The following PARD3B variants were observed in gnomAD, a reference collection of about 807,000 sequenced individuals.
PARD3B encodes the protein partitioning defective 3 homolog B.
Under a neutral mutation model 130.2 loss-of-function variants are expected in PARD3B, and 103 were observed. The ratio of observed to expected loss-of-function variants is 0.79; its 90% confidence interval spans 0.67 to 0.93. The LOEUF (loss-of-function observed/expected upper bound fraction) is 0.93, where lower values mean the gene tolerates loss of function less well. PARD3B is among the 40% of genes least tolerant of loss of function. The pLI, the probability that PARD3B is intolerant of heterozygous loss-of-function variation, is 0.00. For synonymous variants in PARD3B, 583 were observed against 553.2 expected, an observed-to-expected ratio of 1.05 and a Z score of -0.76; for missense variants, 1,609 against 1,499.2, an observed-to-expected ratio of 1.07 and a Z score of -1.21.
chr2:204,903,969 C>G (rs1022764970), intron 2 of PARD3B, among the ~76,000 whole-genome samples: 1 of 152,110 alleles, frequency 6.6e-6, no homozygotes, highest in Non-Finnish European at 1.5e-5. Flanking sequence ...GCTGAGATAT[C>G]CCGTTTGCTA....
At chr2:204,698,367 G>C (rs899856965) in intron 2 of PARD3B, among the ~76,000 whole-genome samples, 3 of 152,080 alleles carry the variant, frequency 2.0e-5, no homozygotes, top group Admixed American at 6.6e-5. Context: ...TCTTTCAGAA[G>C]TTTTTGAATT....
chr2:205,487,655 G>T (rs1474983534), intron 20 of PARD3B, among the ~76,000 whole-genome samples: 2 of 152,168 alleles, frequency 1.3e-5, no homozygotes, highest in African/African-American at 4.8e-5. Flanking sequence ...CTTCTATGTT[G>T]TGTCCTCTGA....
chr2:204,925,344 G>T (rs1008204292), intron 2 of PARD3B, among the ~76,000 whole-genome samples: 1 of 152,102 alleles, frequency 6.6e-6, no homozygotes, highest in African/African-American at 2.4e-5. Context: ...TGAATGCATT[G>T]TTTAACTTTG....
Position 205,185,817 on chromosome 2 carries a change from A to G in PARD3B, c.1978A>G (p.Thr660Ala), listed in dbSNP as rs997975563. Residue 660 changes from threonine (T) to alanine (A), a missense_variant, in exon 14 of 23, where the codon ACA becomes GCA. Physicochemically the swap from Thr to Ala is moderately conservative, Grantham distance 58 (BLOSUM62 0). Transcript: ENST00000406610. ...WAESEVPPSP[T>A]PHSALGLGLE... Reference sequence around the variant, plus strand: ...CGAGAGTGAAGTTCCACCTTCTCCAACACCACATTCTGCTCTGGGATTGGG... The same window carrying G: ...CGAGAGTGAAGTTCCACCTTCTCCAGCACCACATTCTGCTCTGGGATTGGG... 19 of 1,614,038 alleles carry G rather than the reference A, an allele frequency of 1.2e-5. No individual in the cohort carries two copies. Among genetic ancestry groups the G allele is most frequent in the South Asian group, 3.3e-5 (3 of 91,082 alleles).
chr2:205,072,666 CTT>C (rs986812443), intron 4 of PARD3B, among the ~76,000 whole-genome samples: 3 of 152,074 alleles, frequency 2.0e-5, no homozygotes, highest in African/African-American at 4.8e-5. Context: ...CTTGGTAAAA[CTT>C]ATTTTAAATA....
intron 4 of PARD3B, among the ~76,000 whole-genome samples, chr2:205,099,861 C>T (rs1453309417): frequency 6.6e-6 from 1 of 152,002 alleles, no homozygotes; most frequent in African/African-American, 2.4e-5. Flanking sequence ...TTGATAGCTT[C>T]GGCAAGGGAA....
intron 2 of PARD3B, among the ~76,000 whole-genome samples, chr2:204,851,800 C>T (rs2044718032): frequency 6.6e-6 from 1 of 151,232 alleles, no homozygotes; most frequent in South Asian, 2.1e-4. Context: ...TCAAGTGATT[C>T]TCCTGCCTCA....
In PARD3B at chr2:205,165,094, G is replaced by A. The variant is rs537616650; in HGVS notation, c.1620+6187G>A. Among the ~76,000 whole-genome samples the A allele has an allele frequency of 5.3e-5, 8 of 151,962 alleles. No homozygotes were observed. The South Asian group carries it at 1.7e-3, about 32-fold the overall frequency. On this transcript the variant is annotated intron_variant, in intron 11 of 22. Transcript: ENST00000406610. ...GGCTTCCGAAATTCTAACCTAGTTA[G>A]GCATTCATGCAAATTATTCTTAATT... is the stretch of plus-strand genomic sequence containing the variant.
intron 1 of PARD3B, among the ~76,000 whole-genome samples, chr2:204,576,038 C>A (rs1442653314): frequency 6.6e-6 from 1 of 152,174 alleles, no homozygotes; most frequent in Non-Finnish European, 1.5e-5. Context: ...CCTCTTATCT[C>A]TTCCTTCTGG....
At chr2:205,162,792 A>G (rs1316102291) in intron 11 of PARD3B, among the ~76,000 whole-genome samples, 4 of 152,186 alleles carry the variant, frequency 2.6e-5, no homozygotes, top group Non-Finnish European at 4.4e-5. Context: ...ATCCACATCA[A>G]AATTTGCGTT....
chr2:204,785,616 C>T (rs2041981438), intron 2 of PARD3B, among the ~76,000 whole-genome samples: 1 of 152,220 alleles, frequency 6.6e-6, no homozygotes, highest in Admixed American at 6.5e-5. Flanking sequence ...GTATTGGTCT[C>T]TAGTCCCCTT....
intron 1 of PARD3B, among the ~76,000 whole-genome samples, chr2:204,634,378 A>G (rs1257070635): frequency 1.3e-5 from 2 of 152,102 alleles, no homozygotes; most frequent in Non-Finnish European, 2.9e-5. Context: ...CATTTTCTTT[A>G]TCCATTCATC....
rs2052979421 is a variant in PARD3B at position 205,558,233 on chromosome 2, G to A, written c.3260+4830G>A. ...CCAGCAAGACTTGGGTGCAGGAGTAGGCATTGCTCCAGTGGTAGAGGCCAT... is the reference window on the plus strand; with the variant it reads ...CCAGCAAGACTTGGGTGCAGGAGTAAGCATTGCTCCAGTGGTAGAGGCCAT... On this transcript the variant is annotated intron_variant, in intron 22 of 22. Transcript: ENST00000406610. This position sits in a 1 kb window ranked among gnomAD's most constrained non-coding sequence, Gnocchi z 4.8. 6.6e-6 allele frequency among the ~76,000 whole-genome samples: 1 copy of A among 152,174 alleles called. No individual in the cohort carries two copies. Among genetic ancestry groups the A allele is most frequent in the Admixed American group, 6.5e-5 (1 of 15,290 alleles).
At chr2:204,798,377 G>A (rs993623709) in intron 2 of PARD3B, among the ~76,000 whole-genome samples, 1 of 152,166 alleles carries the variant, frequency 6.6e-6, no homozygotes, top group Non-Finnish European at 1.5e-5. Flanking sequence ...GTGGAGAATG[G>A]TCCATCCCCT....
At chr2:204,643,694 C>A (rs1388218364) in intron 1 of PARD3B, among the ~76,000 whole-genome samples, 3 of 151,802 alleles carry the variant, frequency 2.0e-5, no homozygotes, top group Non-Finnish European at 4.4e-5. Context: ...GAAGACAATT[C>A]TTCTTCTTCC....
chr2:205,082,919 CTTTTT>C (rs34303779), intron 4 of PARD3B, among the ~76,000 whole-genome samples: 1 of 136,614 alleles, frequency 7.3e-6, no homozygotes, highest in Non-Finnish European at 1.6e-5. Flanking sequence ...TAAAATATAT[CTTTTT>C]TTTTTTTTTT....
chr2:204,876,483 T>G (rs993299077), intron 2 of PARD3B, among the ~76,000 whole-genome samples: 3 of 152,180 alleles, frequency 2.0e-5, no homozygotes, highest in African/African-American at 7.2e-5. Flanking sequence ...ATGCAAAAAA[T>G]TTAGAAGTGA....
intron 16 of PARD3B, among the ~76,000 whole-genome samples, chr2:205,279,829 T>G (rs990274850): frequency 6.6e-6 from 1 of 152,188 alleles, no homozygotes; most frequent in African/African-American, 2.4e-5. Flanking sequence ...AGAGGCACGT[T>G]CTGGGAAGTA....
At chr2:204,953,420 C>G (rs10169171) in intron 2 of PARD3B, among the ~76,000 whole-genome samples, 3,985 of 123,228 alleles carry the variant, frequency 0.032, 90 homozygotes, top group Middle Eastern at 0.05. Flanking sequence ...TACACACACA[C>G]AGAGAGAGAG....
Sources: allele counts gnomAD v4.1 joint callset (sites outside exome capture counted in the v4.1 genomes callset), GRCh38; gene constraint gnomAD v4.1.1; non-coding constraint Gnocchi (gnomAD v3.1); transcripts MANE v1.5; gene names NCBI Gene and HGNC (gene_info 2026-07-23, HGNC 2026-07-21).